EXOC4: variants seen among roughly 807,000 people sequenced by gnomAD.
EXOC4 encodes the protein SEC8-like 1.
A neutral mutation model predicts 107.2 loss-of-function variants in EXOC4; 71 were observed. That is an observed-to-expected ratio of 0.66 (90% CI 0.55 to 0.81). The LOEUF (loss-of-function observed/expected upper bound fraction) is 0.81. Among genes scored for constraint, EXOC4 ranks in the 30% least tolerant of loss-of-function variants. The pLI, the probability that EXOC4 is intolerant of heterozygous loss-of-function variation, is 0.00. For synonymous variants in EXOC4, 456 were observed against 441.2 expected (o/e 1.03, Z -0.42); for missense variants, 1,108 against 1,189.6 (o/e 0.93, Z 1.01).
intron 5 of EXOC4, among the ~76,000 whole-genome samples, chr7:133,327,956 C>G (rs915833140): frequency 1.3e-5 from 2 of 152,126 alleles, no homozygotes; most frequent in Non-Finnish European, 2.9e-5. Context: ...ATTAGGTCTG[C>G]TTGTTCCAGA....
rs560974653 is a variant in EXOC4 at position 133,834,980 on chromosome 7, C to G, written c.1734+17436C>G. 2.2e-4 allele frequency among the ~76,000 whole-genome samples: 34 copies of G among 152,196 alleles called. No homozygotes were observed. The South Asian group carries it at 6.9e-3, about 31-fold the overall frequency. The stretch of plus-strand genomic sequence containing the variant: ...GGTTTTAGAAATGGGAATCTCCCTG[C>G]ACAAGCTCTCTTTTTTTGCCTGCTG... On this transcript the variant is annotated intron_variant, in intron 11 of 17. Transcript: ENST00000253861.
chr7:133,630,374 C>T (rs372650883), intron 10 of EXOC4, among the ~76,000 whole-genome samples: 2 of 151,978 alleles, frequency 1.3e-5, no homozygotes, highest in African/African-American at 4.8e-5. Context: ...TTTTCACACT[C>T]GCTACCTCTG....
At chr7:133,662,305 G>A (rs1471007566) in intron 10 of EXOC4, among the ~76,000 whole-genome samples, 1 of 152,100 alleles carries the variant, frequency 6.6e-6, no homozygotes, top group African/African-American at 2.4e-5. Flanking sequence ...GGTAGCACAT[G>A]ATGAGATAGC....
At chr7:133,944,385 A>G (rs28588750) in intron 14 of EXOC4, among the ~76,000 whole-genome samples, 47,334 of 151,934 alleles carry the variant, frequency 0.31, 7,825 homozygotes, top group Non-Finnish European at 0.36. Context: ...ATCTTCTTCA[A>G]TCTGGGTTTA....
intron 14 of EXOC4, among the ~76,000 whole-genome samples, chr7:133,941,074 T>G (rs1248553763): frequency 2.0e-5 from 3 of 151,854 alleles, no homozygotes; most frequent in Non-Finnish European, 4.4e-5. Flanking sequence ...CTCGGCTCAC[T>G]GCAGCCTCTG....
intron 9 of EXOC4, among the ~76,000 whole-genome samples, chr7:133,499,254 TC>T (rs1315581956): frequency 3.3e-5 from 5 of 152,214 alleles, no homozygotes; most frequent in Non-Finnish European, 7.3e-5. Flanking sequence ...CATTTTAAGT[TC>T]CTTGCAGTCA....
chr7:133,684,050 A>AT (rs1446495186), intron 10 of EXOC4, among the ~76,000 whole-genome samples: 1 of 152,142 alleles, frequency 6.6e-6, no homozygotes, highest in African/African-American at 2.4e-5. Flanking sequence ...GCTGTTTTAA[A>AT]TATTTATTGT....
intron 3 of EXOC4, among the ~76,000 whole-genome samples, chr7:133,294,093 C>T (rs775779919): frequency 6.6e-6 from 1 of 152,162 alleles, no homozygotes; most frequent in African/African-American, 2.4e-5. Flanking sequence ...CTTGAAAAGA[C>T]GGCTGAAGAT....
chr7:133,710,698 A>G (rs1168978260), intron 10 of EXOC4, among the ~76,000 whole-genome samples: 1 of 152,104 alleles, frequency 6.6e-6, no homozygotes, highest in Non-Finnish European at 1.5e-5. Flanking sequence ...TGCAGATACA[A>G]AATGCTACTG....
In EXOC4 at chr7:133,376,582, CT is replaced by C. The variant is rs1303838591; in HGVS notation, c.1182+1583del. Among the ~76,000 whole-genome samples, 5 of 152,352 alleles carry C rather than the reference CT, an allele frequency of 3.3e-5. No homozygotes were observed. The East Asian group carries it at 9.6e-4, about 29-fold the overall frequency. ...CATCCCTGCATCTTCCTCGTGAATA[CT>C]TTCCAAACTATTAGCCCTTTGGTCA... On this transcript the variant is annotated intron_variant, in intron 7 of 17. Coordinates refer to ENST00000253861, the MANE Select transcript of EXOC4 (RefSeq NM_021807.4).
chr7:134,066,135 A>G, downstream of EXOC4: 1 of 152,394 alleles, frequency 6.6e-6, no homozygotes, highest in Non-Finnish European at 1.5e-5. Flanking sequence ...GAAATAGTCT[A>G]CCCTAGAAGC....
intron 10 of EXOC4, among the ~76,000 whole-genome samples, chr7:133,804,035 T>C (rs897050557): frequency 3.9e-5 from 6 of 152,202 alleles, no homozygotes; most frequent in African/African-American, 1.4e-4. Context: ...GATAATGTGA[T>C]ATATCAATAG....
intron 17 of EXOC4, among the ~76,000 whole-genome samples, chr7:134,040,100 C>G (rs1795479964): frequency 6.6e-6 from 1 of 152,214 alleles, no homozygotes; most frequent in Non-Finnish European, 1.5e-5. Flanking sequence ...TCCTCCAAAT[C>G]TGGAATAAAG....
intron 10 of EXOC4, among the ~76,000 whole-genome samples, chr7:133,701,120 T>A (rs777769378): frequency 3.3e-5 from 5 of 152,238 alleles, no homozygotes; most frequent in Non-Finnish European, 5.9e-5. Flanking sequence ...TCCACCAAAG[T>A]TAAAAACATC....
At chr7:133,439,285 A>C (rs1356310390) in intron 7 of EXOC4, among the ~76,000 whole-genome samples, 1 of 146,066 alleles carries the variant, frequency 6.8e-6, no homozygotes, top group Non-Finnish European at 1.5e-5. Context: ...CCTGGGTTCA[A>C]GTAATTCTCC....
At chr7:133,508,647 T>C (rs975469832) in intron 9 of EXOC4, among the ~76,000 whole-genome samples, 5 of 152,166 alleles carry the variant, frequency 3.3e-5, no homozygotes, top group African/African-American at 1.2e-4. Context: ...TCAAAGGACA[T>C]AAAACCTGTA....
chr7:134,011,506 G>A (rs1585320273), intron 17 of EXOC4, among the ~76,000 whole-genome samples: 1 of 151,374 alleles, frequency 6.6e-6, no homozygotes, highest in Non-Finnish European at 1.5e-5. Context: ...CCTGATTTTG[G>A]TTTTTTTTGG....
chr7:133,627,901 A>C (rs1216591070), intron 9 of EXOC4, among the ~76,000 whole-genome samples: 5 of 152,188 alleles, frequency 3.3e-5, no homozygotes, highest in Non-Finnish European at 5.9e-5. Flanking sequence ...CCAAATGTCT[A>C]GACTCTGATG....
intron 17 of EXOC4, among the ~76,000 whole-genome samples, chr7:134,040,346 T>C (rs947885651): frequency 1.3e-5 from 2 of 152,258 alleles, no homozygotes; most frequent in African/African-American, 4.8e-5. Flanking sequence ...TTTAAACTTA[T>C]GTTCCCACTG....
Sources: gnomAD v4.1 joint callset for allele counts (sites outside exome capture counted in the v4.1 genomes callset) on GRCh38, gnomAD v4.1.1 for gene constraint, MANE v1.5 for transcripts, NCBI Gene and HGNC (gene_info 2026-07-23, HGNC 2026-07-21) for gene names.